COL26A1: variants seen among roughly 807,000 people sequenced by gnomAD.
COL26A1 encodes the protein collagen alpha-1(XXVI) chain.
A neutral mutation model predicts 59.3 loss-of-function variants in COL26A1; 41 were observed. That is an observed-to-expected ratio of 0.69 (90% CI 0.54 to 0.90). COL26A1 has a LOEUF of 0.90. Ranked by LOEUF, COL26A1 falls within the 40% of genes least tolerant of loss-of-function variation. COL26A1 has a pLI of 0.00. For synonymous variants in COL26A1, 266 were observed against 256.0 expected (o/e 1.04, Z -0.37); for missense variants, 612 against 602.3 (o/e 1.02, Z -0.17).
At chr7:101,525,460 T>C (rs1271792038) in intron 3 of COL26A1, among the ~76,000 whole-genome samples, 6 of 150,240 alleles carry the variant, frequency 4.0e-5, no homozygotes, top group Non-Finnish European at 7.4e-5. Flanking sequence ...AGATTACAGG[T>C]GTGAGCCACT....
chr7:101,553,157 C>T (rs1204434476), intron 10 of COL26A1, 169 bp from the exon 11 acceptor site: 1 of 589,372 alleles, frequency 1.7e-6, no homozygotes, highest in South Asian at 2.1e-5. Flanking sequence ...CCGTGGCCTC[C>T]CCTGCTGTGC....
intron 1 of COL26A1, among the ~76,000 whole-genome samples, chr7:101,376,401 C>G (rs1383338809): frequency 6.6e-6 from 1 of 152,160 alleles, no homozygotes; most frequent in East Asian, 1.9e-4. Flanking sequence ...AGGGTGGTGT[C>G]TTTCAGACTG....
intron 2 of COL26A1, among the ~76,000 whole-genome samples, chr7:101,427,244 G>T (rs1229832112): frequency 6.6e-6 from 1 of 152,140 alleles, no homozygotes; most frequent in Non-Finnish European, 1.5e-5. Flanking sequence ...TTTGTTTTTT[G>T]TAGATATGAG....
chr7:101,471,727 G>A (rs539903804), intron 3 of COL26A1, among the ~76,000 whole-genome samples: 56 of 151,892 alleles, frequency 3.7e-4, no homozygotes, highest in Non-Finnish European at 6.8e-4. Context: ...CGATAGGCAC[G>A]CACCATCGTG....
intron 3 of COL26A1, among the ~76,000 whole-genome samples, chr7:101,531,854 G>A (rs1410992935): frequency 6.6e-6 from 1 of 152,096 alleles, no homozygotes; most frequent in Non-Finnish European, 1.5e-5. Flanking sequence ...CCAAGAACAA[G>A]GGGGAGGCTG....
intron 1 of COL26A1, among the ~76,000 whole-genome samples, chr7:101,378,728 T>C (rs1791378189): frequency 6.6e-6 from 1 of 152,072 alleles, no homozygotes; most frequent in Non-Finnish European, 1.5e-5. Flanking sequence ...TCTGTCTTTG[T>C]TTGCAAGAAT....
chr7:101,550,038 G>A (rs1795827380), intron 9 of COL26A1, among the ~76,000 whole-genome samples: 1 of 152,240 alleles, frequency 6.6e-6, no homozygotes, highest in African/African-American at 2.4e-5. Flanking sequence ...AATGGAGTGT[G>A]TGGTGTCGGA....
chr7:101,531,727 G>A (rs1399394484), intron 3 of COL26A1, among the ~76,000 whole-genome samples: 1 of 151,908 alleles, frequency 6.6e-6, no homozygotes, highest in Non-Finnish European at 1.5e-5. Flanking sequence ...CCAACTCCCC[G>A]TGGTTTCTCC....
chr7:101,395,095 A>G (rs1476617464), intron 1 of COL26A1, among the ~76,000 whole-genome samples: 2 of 151,160 alleles, frequency 1.3e-5, no homozygotes, highest in Non-Finnish European at 3.0e-5. Context: ...CTGGTCTTGA[A>G]CTACTGACCT....
At chr7:101,500,196 C>T (rs1317751959) in intron 3 of COL26A1, among the ~76,000 whole-genome samples, 2 of 152,218 alleles carry the variant, frequency 1.3e-5, no homozygotes, top group Non-Finnish European at 2.9e-5. Flanking sequence ...CCGCCTCTCT[C>T]GCCACCCTTC....
chr7:101,504,598 G>A (rs1794768057), intron 3 of COL26A1, among the ~76,000 whole-genome samples: 1 of 152,218 alleles, frequency 6.6e-6, no homozygotes, highest in African/African-American at 2.4e-5. Context: ...CCCGGGTCCT[G>A]TGATTTAGAA....
intron 1 of COL26A1, among the ~76,000 whole-genome samples, chr7:101,406,268 C>T (rs1792126832): frequency 6.6e-6 from 1 of 152,232 alleles, no homozygotes; most frequent in African/African-American, 2.4e-5. Context: ...TATGAGGAAA[C>T]GCAGGCAGGT....
chr7:101,519,902 A>G (rs1795105338), intron 3 of COL26A1, among the ~76,000 whole-genome samples: 2 of 151,950 alleles, frequency 1.3e-5, no homozygotes, highest in South Asian at 4.2e-4. Context: ...GTGAAATGTG[A>G]TCCCCTGTGA....
At chr7:101,508,516 T>TAAAAA (rs1794858075) in intron 3 of COL26A1, among the ~76,000 whole-genome samples, 1 of 77,532 alleles carries the variant, frequency 1.3e-5, no homozygotes, top group African/African-American at 1.3e-4. Context: ...TAAAACCCTG[T>TAAAAA]CAAAAAAAAA....
In COL26A1 at chr7:101,505,199, G is replaced by A. The variant is rs1230256282; in HGVS notation, c.386-27883G>A. On this transcript the variant is annotated intron_variant, in intron 3 of 12. Coordinates refer to ENST00000313669, the MANE Select transcript of COL26A1 (RefSeq NM_001278563.3). ...AGATCCATGTTGGGTGGGTGTGCCC[G>A]TGTATGTGAGCACTCTCTGTGATTG... is the stretch of plus-strand genomic sequence containing the variant. Among the ~76,000 whole-genome samples, 4 of 143,210 alleles carry A rather than the reference G, an allele frequency of 2.8e-5. No individual in the cohort carries two copies. In the Middle Eastern group the frequency reaches 0.011, roughly 404 times the overall value. The allele number at this position is 143,210 out of a possible 152,430, so 94.0% of individuals were successfully genotyped here.
chr7:101,421,287 G>A (rs1792512928), intron 2 of COL26A1, among the ~76,000 whole-genome samples: 1 of 152,142 alleles, frequency 6.6e-6, no homozygotes, highest in Non-Finnish European at 1.5e-5. Context: ...CCTTCCTCCG[G>A]GGAAGTCAGT....
At chr7:101,385,367 G>GTGTATATATATATATATATATATA (rs896826101) in intron 1 of COL26A1, among the ~76,000 whole-genome samples, 5 of 137,022 alleles carry the variant, frequency 3.6e-5, no homozygotes, top group Non-Finnish European at 8.2e-5. Flanking sequence ...ATATATGTGT[G>GTGTATATATATATATATATATATA]TATATATATA....
At chr7:101,489,464 A>G (rs1457957977) in intron 3 of COL26A1, among the ~76,000 whole-genome samples, 2 of 152,198 alleles carry the variant, frequency 1.3e-5, no homozygotes, top group African/African-American at 4.8e-5. Context: ...AGACGCCAAG[A>G]GAGGATTCTT....
chr7:101,527,493 G>T (rs1489561795), intron 3 of COL26A1, among the ~76,000 whole-genome samples: 1 of 131,920 alleles, frequency 7.6e-6, no homozygotes, highest in Non-Finnish European at 1.7e-5. Context: ...ACGTCCAGCT[G>T]ATTTTTTTTT....
Sources: allele counts gnomAD v4.1 joint callset (sites outside exome capture counted in the v4.1 genomes callset), GRCh38; gene constraint gnomAD v4.1.1; transcripts MANE v1.5; gene names NCBI Gene and HGNC (gene_info 2026-07-23, HGNC 2026-07-21).